The following NUGGC variants were observed in gnomAD, a reference collection of about 807,000 sequenced individuals.
NUGGC encodes the protein nuclear GTPase, germinal center associated, also known as nuclear GTPase SLIP-GC.
A neutral mutation model predicts 92.6 loss-of-function variants in NUGGC; 58 were observed. The ratio of observed to expected loss-of-function variants is 0.63; its 90% CI spans 0.51 to 0.78. The LOEUF is 0.78. Ranked by LOEUF, NUGGC falls within the 30% of genes least tolerant of loss-of-function variation. The probability of loss-of-function intolerance (pLI) is 0.00; values close to 1 mark genes in which losing one functional copy is unlikely to be tolerated. For missense variants in NUGGC, 925 were observed against 964.6 expected (o/e 0.96, Z 0.54); for synonymous variants, 376 against 366.4 (o/e 1.03, Z -0.30).
chr8:28,058,692 A>G (rs1035004404), intron 8 of NUGGC, among the ~76,000 whole-genome samples: 2 of 151,668 alleles, frequency 1.3e-5, no homozygotes, highest in East Asian at 3.9e-4. Flanking sequence ...AATAAATTAG[A>G]TTTAATTATG....
intron 4 of NUGGC, among the ~76,000 whole-genome samples, chr8:28,069,088 A>C (rs1232990315): frequency 6.6e-6 from 1 of 152,194 alleles, no homozygotes; most frequent in Non-Finnish European, 1.5e-5. Flanking sequence ...TAATAGTGTT[A>C]GGAGCAACAC....
intron 12 of NUGGC, among the ~76,000 whole-genome samples, chr8:28,044,830 A>C (rs1020674442): frequency 5.9e-5 from 9 of 152,204 alleles, no homozygotes; most frequent in African/African-American, 2.2e-4. Flanking sequence ...TGCATATTCT[A>C]TCTCTCATAA....
At chr8:28,072,126 CT>C (rs1810605629) in intron 2 of NUGGC, among the ~76,000 whole-genome samples, 1 of 152,218 alleles carries the variant, frequency 6.6e-6, no homozygotes, top group African/African-American at 2.4e-5. Flanking sequence ...TTGCCAAGGC[CT>C]GAATCTCTGC....
In NUGGC at chr8:28,060,578, G is replaced by C. The variant is rs757973019; in HGVS notation, c.945C>G (p.Ile315Met). 4 of 1,612,638 alleles carry C rather than the reference G, an allele frequency of 2.5e-6. No homozygotes were observed. The highest frequency in any genetic ancestry group is 3.4e-6 in the Non-Finnish European group (4 of 1,179,514). Residue 315 changes from isoleucine (I) to methionine (M), a missense_variant, in exon 8 of 19, where the codon ATC (isoleucine) becomes ATG (methionine). Ile to Met is a conservative substitution (Grantham distance 10). Transcript: ENST00000413272. ...CTCGCTCTATGTCGCTGATCACCCA[G>C]ATCACTGAGCACTTGTCAATGGTCT... ...WKKTIDKCSV[I>M]WVISDIERVS...
chr8:28,056,035 C>T lies in NUGGC; in HGVS notation c.1136G>A (p.Arg379Gln), dbSNP rs200054228. The change falls in exon 10 of 19, where the codon CGA (arginine) becomes CAA (glutamine). Residue 379 changes from arginine (R) to glutamine (Q), a missense_variant. By Grantham distance (43) the Arg-to-Gln change is conservative. Transcript: ENST00000413272. ...KAGNQAIQSQREAVLERNEMI... is the reference protein window; with the variant it reads ...KAGNQAIQSQQEAVLERNEMI... Reference sequence around the variant, plus strand: ...TTCATTTCTTTCTAAAACAGCCTCTCGCTGACTCTGAATAGCTTGCTAGGT... The same window carrying T: ...TTCATTTCTTTCTAAAACAGCCTCTTGCTGACTCTGAATAGCTTGCTAGGT... The T allele has an allele frequency of 1.5e-5, 23 of 1,564,214 alleles. No homozygotes were observed. Among genetic ancestry groups the T allele is most frequent in the Middle Eastern group, 1.7e-4 (1 of 5,994 alleles).
chr8:28,050,821 A>C (rs919293602), intron 10 of NUGGC, among the ~76,000 whole-genome samples: 1 of 152,090 alleles, frequency 6.6e-6, no homozygotes, highest in African/African-American at 2.4e-5. Flanking sequence ...AAAAAAAAAA[A>C]AAAATCATGA....
chr8:28,060,143 T>A (rs938117327), intron 8 of NUGGC: 1 of 548,406 alleles, frequency 1.8e-6, no homozygotes, highest in Non-Finnish European at 3.4e-6. Context: ...GTGCAGGAGG[T>A]ACACCATCTG....
At chr8:28,029,586 C>A (rs781379421) in intron 16 of NUGGC, among the ~76,000 whole-genome samples, 184 bp from the exon 17 acceptor site, 25 of 152,032 alleles carry the variant, frequency 1.6e-4, no homozygotes, top group Non-Finnish European at 2.9e-4. Flanking sequence ...CCCATCTCTA[C>A]TAAAAATACA....
chr8:28,032,083 G>A (rs538070176), intron 14 of NUGGC, among the ~76,000 whole-genome samples: 1 of 152,310 alleles, frequency 6.6e-6, no homozygotes, highest in South Asian at 2.1e-4. Context: ...CTGCTGGGTG[G>A]GCTACAGCAC....
In NUGGC at chr8:28,064,710, G is replaced by C; in HGVS notation, c.733C>G (p.Leu245Val). The C allele has an allele frequency of 1.2e-6, 2 of 1,613,956 alleles. No individual in the cohort carries two copies. Among genetic ancestry groups the C allele is most frequent in the Non-Finnish European group, 1.7e-6 (2 of 1,179,832 alleles). ...CTCTGTGTGCGGATGTAGGGGTCCA[G>C]CTTGATGGACAGCTCTTCTGCCTGA... ...AEEAEELSIK[L>V]DPYIRTQRRD... The change falls in exon 7 of 19, where the codon CTG becomes GTG. Residue 245 changes from leucine to valine, a missense_variant. Physicochemically the swap from Leu to Val is conservative, Grantham distance 32. Transcript: ENST00000413272.
chr8:28,062,052 C>G (rs1358200544), intron 7 of NUGGC, among the ~76,000 whole-genome samples: 1 of 152,136 alleles, frequency 6.6e-6, no homozygotes, highest in Non-Finnish European at 1.5e-5. Flanking sequence ...GAGTGCAGGA[C>G]CCAGAACCAC....
At chr8:28,056,477 CAAA>C (rs1281043672) in intron 9 of NUGGC, among the ~76,000 whole-genome samples, 2 of 125,796 alleles carry the variant, frequency 1.6e-5, no homozygotes, top group Non-Finnish European at 1.7e-5. Flanking sequence ...GACTGTATCT[CAAA>C]AAAAAAAAAA....
rs762551437 is a variant in NUGGC, at chr8:28,047,550, G to T, written c.1269C>A (p.Ala423=). 3 of 1,569,938 alleles carry T rather than the reference G, an allele frequency of 1.9e-6. No individual in the cohort carries two copies. The South Asian group carries it at 3.5e-5, about 18-fold the overall frequency. ...GGAGAGCCTGCTGCCAGTACTCCTG[G>T]GCGCTGACTGTATACACCAGATCTG... The part of the protein sequence containing the change: ...EASDLVYTVS[A]QEYWQQALLT... Residue 423 remains alanine (A), a synonymous_variant, in exon 11 of 19, where the codon GCC becomes GCA. Transcript: ENST00000413272.
At chr8:28,044,127 TC>T (rs1232796508) in intron 12 of NUGGC, among the ~76,000 whole-genome samples, 4 of 152,050 alleles carry the variant, frequency 2.6e-5, no homozygotes, top group African/African-American at 9.7e-5. Context: ...AGTGTCTGCC[TC>T]CCCTTGCCAC....
At chr8:28,080,843 G>A (rs892050756) in intron 1 of NUGGC, among the ~76,000 whole-genome samples, 1 of 152,156 alleles carries the variant, frequency 6.6e-6, no homozygotes, top group African/African-American at 2.4e-5. Flanking sequence ...TGCAAACAAA[G>A]GGCTTCCATA....
At chr8:28,066,908 A>C (rs577605451) in intron 6 of NUGGC, among the ~76,000 whole-genome samples, 1 of 152,302 alleles carries the variant, frequency 6.6e-6, no homozygotes, top group African/African-American at 2.4e-5. Context: ...TTCAGCCAGG[A>C]AGGGCTGTGT....
chr8:28,055,484 T>C (rs1476644043), intron 10 of NUGGC, among the ~76,000 whole-genome samples: 1 of 152,142 alleles, frequency 6.6e-6, no homozygotes, highest in Non-Finnish European at 1.5e-5. Flanking sequence ...GATATCATTA[T>C]CTCCCTGCTT....
intron 13 of NUGGC, 50 bp from the exon 14 acceptor site, chr8:28,033,747 A>C (rs1163906562): frequency 9.7e-6 from 15 of 1,540,994 alleles, no homozygotes; most frequent in Non-Finnish European, 1.3e-5. Flanking sequence ...CTGGAAGGTC[A>C]CTGGATTAGA....
At chr8:28,074,227 C>T (rs963127908) in intron 2 of NUGGC, 141 bp downstream of exon 2, 1 of 650,574 alleles carries the variant, frequency 1.5e-6, no homozygotes, top group African/African-American at 1.8e-5. Flanking sequence ...ACTATTTAAA[C>T]TTGTCACGAG....
Sources: allele counts gnomAD v4.1 joint callset (sites outside exome capture counted in the v4.1 genomes callset), GRCh38; gene constraint gnomAD v4.1.1; transcripts MANE v1.5; gene names NCBI Gene and HGNC (gene_info 2026-07-23, HGNC 2026-07-21).